The following UMOD variants were observed in gnomAD, a reference collection of about 807,000 sequenced individuals.
UMOD encodes uromodulin.
UMOD carries 64 observed loss-of-function variants against 66.0 expected under a neutral mutation model. That is an observed-to-expected ratio of 0.97 (90% CI 0.79 to 1.19). UMOD has a LOEUF of 1.19. Ranked by LOEUF, UMOD falls within the 50% of genes most tolerant of loss-of-function variation. The pLI, the probability that UMOD is intolerant of heterozygous loss-of-function variation, is 0.00. For missense variants in UMOD, 764 were observed against 850.9 expected, an observed-to-expected ratio of 0.90 and a Z score of 1.27; for synonymous variants, 398 against 352.7, an observed-to-expected ratio of 1.13 and a Z score of -1.44.
In UMOD at chr16:20,344,064, T is replaced by C. The variant is rs201229685; in HGVS notation, c.1291A>G (p.Met431Val). The C allele has an allele frequency of 1.2e-6, 2 of 1,613,936 alleles. No homozygotes were observed. Among genetic ancestry groups the C allele is most frequent in the African/African-American group, 1.3e-5 (1 of 75,004 alleles). Residue 431 changes from methionine (M) to valine (V), a missense_variant, in exon 6 of 11, where the codon ATG becomes GTG. By Grantham distance (21) the Met-to-Val change is conservative (BLOSUM62 1). Coordinates refer to ENST00000396138, the MANE Select transcript of UMOD (RefSeq NM_003361.4). The stretch of plus-strand genomic sequence containing the variant: ...AGGGCGGTCTTCAGGCTGACTTTCA[T>C]GTCCAGGGGGTAGGAGCATGCAAAG... ...INFACSYPLD[M>V]KVSLKTALQP... is the part of the protein sequence containing the mutation.
In UMOD at chr16:20,344,043, C is replaced by A. The variant is rs758311815; in HGVS notation, c.1312G>T (p.Ala438Ser). ...PLDMKVSLKT[A>S]LQPMVSALNI... Reference sequence around the variant, plus strand: ...CCACACCTGACCATTGGCTGTAGGGCGGTCTTCAGGCTGACTTTCATGTCC... The same window carrying A: ...CCACACCTGACCATTGGCTGTAGGGAGGTCTTCAGGCTGACTTTCATGTCC... Residue 438 changes from alanine (A) to serine (S), a missense_variant, in exon 6 of 11, where the codon GCC (alanine) becomes TCC (serine). Transcript: ENST00000396138. The A allele has an allele frequency of 4.3e-6, 7 of 1,613,736 alleles. No individual in the cohort carries two copies. In the African/African-American group the frequency reaches 9.3e-5, roughly 22 times the overall value.
chr16:20,348,425 CTCCGGCTG>C lies in UMOD; in HGVS notation c.865+3_865+10del. On this transcript the variant is annotated splice_donor_5th_base_variant and intron_variant, in intron 3 of 10. Coordinates refer to ENST00000396138, the MANE Select transcript of UMOD (RefSeq NM_003361.4). ...GCCTGGGATGAGGACTGTGGGGAGA[CTCCGGCTG>C]ACCTGTGCAGTACGCCAGGTGACAC... is the stretch of plus-strand genomic sequence containing the variant. The C allele has an allele frequency of 6.2e-7, 1 of 1,614,068 alleles. No homozygotes were observed. Among genetic ancestry groups the C allele is most frequent in the Non-Finnish European group, 8.5e-7 (1 of 1,180,034 alleles).
chr16:20,343,633 C>T (rs1400221546), intron 6 of UMOD, among the ~76,000 whole-genome samples: 3 of 152,198 alleles, frequency 2.0e-5, no homozygotes, highest in Non-Finnish European at 4.4e-5. Flanking sequence ...AATTCCTGGG[C>T]TCAAGCGATC....
At chr16:20,341,792 G>C (rs908509646) in intron 6 of UMOD, among the ~76,000 whole-genome samples, 11 of 152,194 alleles carry the variant, frequency 7.2e-5, no homozygotes, top group Admixed American at 7.2e-4. Context: ...CTATGATGAG[G>C]CCTACAACTT....
At chr16:20,344,969 A>G (rs971421729) in intron 5 of UMOD, among the ~76,000 whole-genome samples, 3 of 152,172 alleles carry the variant, frequency 2.0e-5, no homozygotes, top group East Asian at 1.9e-4. Context: ...GTCACCATCA[A>G]TGGAATTTCA....
At chr16:20,336,051 G>C (rs568276041) in intron 9 of UMOD, among the ~76,000 whole-genome samples, 1 of 152,304 alleles carries the variant, frequency 6.6e-6, no homozygotes, top group South Asian at 2.1e-4. Flanking sequence ...GGGCTAGACT[G>C]CCTTTGTAGA....
intron 1 of UMOD, 89 bp downstream of exon 1, chr16:20,352,600 G>T: frequency 9.8e-7 from 1 of 1,025,518 alleles, no homozygotes; most frequent in Non-Finnish European, 1.3e-6. Context: ...TCTGACCCCA[G>T]TGTCCAAGGT....
In UMOD at chr16:20,348,341, A is replaced by G; in HGVS notation, c.866-11T>C. On this transcript the variant is annotated splice_polypyrimidine_tract_variant and intron_variant, in intron 3 of 10. Coordinates refer to ENST00000396138, the MANE Select transcript of UMOD (RefSeq NM_003361.4). ...CCACGGAGCTGGGGTCTGCAGGGTCACAGGGACAGACAGACAATCAATAAG... is the reference window on the plus strand; with the variant it reads ...CCACGGAGCTGGGGTCTGCAGGGTCGCAGGGACAGACAGACAATCAATAAG... The G allele has an allele frequency of 1.2e-6, 2 of 1,614,198 alleles. No individual in the cohort carries two copies. Among genetic ancestry groups the G allele is most frequent in the African/African-American group, 1.3e-5 (1 of 75,076 alleles).
rs1480312829 is a variant in UMOD at position 20,333,256 on chromosome 16, C to A, written c.*58G>T. On this transcript the variant is annotated 3_prime_UTR_variant, in exon 11 of 11. Transcript: ENST00000396138. The stretch of plus-strand genomic sequence containing the variant: ...GCTGGAGCACTGGCCCGCATCATGC[C>A]CCCTGCCCAGCAGGAGGTGAGATGG... The A allele has an allele frequency of 6.4e-7, 1 of 1,554,034 alleles. No homozygotes were observed. The highest frequency in any genetic ancestry group is 1.4e-5 in the African/African-American group (1 of 73,566).
intron 6 of UMOD, chr16:20,342,495 T>A (rs1364536448): frequency 1.3e-5 from 2 of 152,284 alleles, no homozygotes; most frequent in Non-Finnish European, 2.9e-5. Context: ...ATGAGCACTC[T>A]TCTTCCTCCA....
intron 1 of UMOD, 46 bp from the exon 2 acceptor site, chr16:20,350,885 C>A: frequency 6.6e-7 from 1 of 1,504,440 alleles, no homozygotes; most frequent in South Asian, 1.2e-5. Context: ...TAACTCTCCT[C>A]CCCACAGCTG....
intron 1 of UMOD, among the ~76,000 whole-genome samples, chr16:20,352,148 T>C (rs577226483): frequency 3.8e-4 from 58 of 152,170 alleles, no homozygotes; most frequent in African/African-American, 1.3e-3. Flanking sequence ...CATTAAGTGA[T>C]TTAATTCTTA....
At chr16:20,336,869 G>T (rs1003308855) in intron 8 of UMOD, 142 bp from the exon 9 acceptor site, 2 of 717,256 alleles carry the variant, frequency 2.8e-6, no homozygotes, top group Admixed American at 2.1e-5. Context: ...ACCGGGGCTC[G>T]TGCAGGTCCC....
chr16:20,340,525 G>T, intron 7 of UMOD, among the ~76,000 whole-genome samples: 2 of 150,210 alleles, frequency 1.3e-5, no homozygotes, highest in South Asian at 2.1e-4. Flanking sequence ...CAATACATAT[G>T]TATTGATAAT....
intron 4 of UMOD, among the ~76,000 whole-genome samples, chr16:20,346,830 G>T (rs1285675117): frequency 1.3e-5 from 2 of 151,866 alleles, no homozygotes; most frequent in Non-Finnish European, 2.9e-5. Flanking sequence ...TAACAAACCT[G>T]CACGTTGTGC....
rs551274807 is a variant in UMOD, at chr16:20,337,561, G to C, written c.1578-108C>G. On this transcript the variant is annotated intron_variant, in intron 7 of 10. Transcript: ENST00000396138. ...TCACCTTTCAGCTGTGTGACTTTGGGCAACTTATTTAATCTCTGTGTACCT... is the reference window on the plus strand; with the variant it reads ...TCACCTTTCAGCTGTGTGACTTTGGCCAACTTATTTAATCTCTGTGTACCT... 8.6e-6 allele frequency: 12 copies of C among 1,397,110 alleles called. 1 individual carries two copies. The Admixed American group carries it at 9.4e-5, about 11-fold the overall frequency. 86.5% of individuals were successfully genotyped at this position (1,397,110 alleles called of 1,614,324 possible).
intron 1 of UMOD, 64 bp from the exon 2 acceptor site, chr16:20,350,903 T>A: frequency 2.1e-6 from 3 of 1,459,224 alleles, no homozygotes; most frequent in South Asian, 2.6e-5. Context: ...CTGGAAGGAG[T>A]GCTTTGATTG....
At position 20,348,890 on chromosome 16, in the gene UMOD, G is replaced by GC; in HGVS notation, c.410dup (p.Cys137TrpfsTer13). 1 of 1,554,902 alleles carries GC rather than the reference G, an allele frequency of 6.4e-7. No individual in the cohort carries two copies. The highest frequency in any genetic ancestry group is 8.7e-7 in the Non-Finnish European group (1 of 1,150,160). ...ATCCATCCCCCCGGTAGCCCGCGGG[G>GC]CATACGCACAAGTAGCTGCCCACCA... is the stretch of plus-strand genomic sequence containing the variant. On this transcript the variant is annotated frameshift_variant, in exon 3 of 11. Transcript: ENST00000396138. LOFTEE classifies it high-confidence loss of function.
At chr16:20,334,644 G>C (rs1008089804) in intron 10 of UMOD, among the ~76,000 whole-genome samples, 1 of 152,162 alleles carries the variant, frequency 6.6e-6, no homozygotes, top group Admixed American at 6.5e-5. Context: ...CCTAAGTCCA[G>C]GCACTCCAGG....
Sources: gnomAD v4.1 joint callset for allele counts (sites outside exome capture counted in the v4.1 genomes callset) on GRCh38, gnomAD v4.1.1 for gene constraint, MANE v1.5 for transcripts, NCBI Gene and HGNC (gene_info 2026-07-23, HGNC 2026-07-21) for gene names.